CUBN: variants seen among roughly 807,000 people sequenced by gnomAD.
CUBN encodes 460 kDa receptor.
Under a neutral mutation model 405.3 loss-of-function variants are expected in CUBN, and 282 were observed. The observed-to-expected ratio is 0.70, with a 90% CI of 0.63 to 0.77. CUBN has a LOEUF of 0.77. Ranked by LOEUF, CUBN falls within the 30% of genes least tolerant of loss-of-function variation. The pLI, the probability that CUBN is intolerant of heterozygous loss-of-function variation, is 0.00. For synonymous variants in CUBN, 1,684 were observed against 1,617.0 expected, an observed-to-expected ratio of 1.04 and a Z score of -0.99; for missense variants, 4,514 against 4,475.2, an observed-to-expected ratio of 1.01 and a Z score of -0.25.
intron 25 of CUBN, 50 bp from the exon 26 acceptor site, chr10:17,044,033 G>A (rs989074905): frequency 2.0e-6 from 3 of 1,468,900 alleles, no homozygotes; most frequent in African/African-American, 2.8e-5. Flanking sequence ...TAAACATTAT[G>A]TAAAGGACTA....
chr10:16,935,879 CAAAAAAA>C (rs369098280), intron 39 of CUBN, among the ~76,000 whole-genome samples: 1 of 71,416 alleles, frequency 1.4e-5, no homozygotes, highest in Non-Finnish European at 2.6e-5. Context: ...GACTCCATCT[CAAAAAAA>C]AAAAAAAAAA....
At chr10:16,999,130 ACC>A (rs1244559443) in intron 28 of CUBN, among the ~76,000 whole-genome samples, 1 of 152,206 alleles carries the variant, frequency 6.6e-6, no homozygotes, top group Non-Finnish European at 1.5e-5. Context: ...AATGCTGTGG[ACC>A]GCTATATAAT....
chr10:16,972,760 C>G (rs570794397), intron 31 of CUBN, among the ~76,000 whole-genome samples: 1 of 152,030 alleles, frequency 6.6e-6, no homozygotes, highest in South Asian at 2.1e-4. Flanking sequence ...GGCTTCCCCC[C>G]ACCATCTCTA....
chr10:17,127,817 T>G lies in CUBN; in HGVS notation c.348+12A>C. The G allele has an allele frequency of 6.3e-7, 1 of 1,594,350 alleles. No homozygotes were observed. The highest frequency in any genetic ancestry group is 8.6e-7 in the Non-Finnish European group (1 of 1,162,156). On this transcript the variant is annotated intron_variant, in intron 3 of 66. Transcript: ENST00000377833. ...AACTCATCGGTTCTTATGACGTAGA[T>G]GTCAGACTTACCTTGGAATTAAGCT... is the stretch of plus-strand genomic sequence containing the variant.
chr10:16,894,600 A>G (rs1439661384), intron 54 of CUBN, among the ~76,000 whole-genome samples: 7 of 152,178 alleles, frequency 4.6e-5, no homozygotes, highest in African/African-American at 1.7e-4. Context: ...TGTAACTTAG[A>G]TAAGTAAGCC....
At chr10:16,996,611 G>A (rs532869173) in intron 28 of CUBN, among the ~76,000 whole-genome samples, 121 of 115,730 alleles carry the variant, frequency 1.0e-3, no homozygotes, top group African/African-American at 3.0e-3. Context: ...CTTTAAGTTC[G>A]TATCTGTGTG....
At chr10:16,872,179 G>A (rs1369083461) in intron 58 of CUBN, among the ~76,000 whole-genome samples, 1 of 152,108 alleles carries the variant, frequency 6.6e-6, no homozygotes, top group Non-Finnish European at 1.5e-5. Flanking sequence ...GGTGGAGGTT[G>A]CAGTGAGCTG....
At chr10:16,983,841 G>A (rs191794794) in intron 30 of CUBN, among the ~76,000 whole-genome samples, 1 of 152,356 alleles carries the variant, frequency 6.6e-6, no homozygotes, top group Admixed American at 6.5e-5. Context: ...AGCCCTTGGA[G>A]AGTGGGTCTG....
chr10:17,123,455 T>C (rs1564524426), intron 5 of CUBN, 133 bp downstream of exon 5: 1 of 754,076 alleles, frequency 1.3e-6, no homozygotes. Context: ...GCATACCTGG[T>C]ATATTTCAAT....
chr10:16,869,666 C>T lies in CUBN; in HGVS notation c.9424G>A (p.Gly3142Ser). The change falls in exon 59 of 67, where the codon GGC (glycine) becomes AGC (serine). Residue 3142 changes from glycine (G) to serine (S), a missense_variant. By Grantham distance (56) the Gly-to-Ser change is moderately conservative. Around this residue, in one of 5 missense-constraint regions of CUBN, gnomAD observed 1,186 missense variants for 1,186.9 expected, o/e 1.00. Transcript: ENST00000377833. ...FKTDSFQTAK[G>S]WKMSFRQTLG... ...GTCTGCCGGAAAGACATCTTCCAGC[C>T]TTTTGCTGTCTGAAATGAATCTGTC... 6.2e-7 allele frequency: 1 copy of T among 1,613,896 alleles called. No individual in the cohort carries two copies. The highest frequency in any genetic ancestry group is 1.1e-5 in the South Asian group (1 of 91,072).
At chr10:17,071,031 G>T (rs909293689) in intron 19 of CUBN, among the ~76,000 whole-genome samples, 1 of 152,166 alleles carries the variant, frequency 6.6e-6, no homozygotes, top group Non-Finnish European at 1.5e-5. Context: ...ATTAAGGAAG[G>T]TTCCTTCTAC....
intron 22 of CUBN, among the ~76,000 whole-genome samples, chr10:17,048,897 T>C (rs770142079): frequency 3.3e-5 from 5 of 152,238 alleles, no homozygotes; most frequent in African/African-American, 4.8e-5. Flanking sequence ...GAACATATTA[T>C]AGGTTCTACT....
At chr10:16,992,965 C>T (rs1336855911) in intron 28 of CUBN, among the ~76,000 whole-genome samples, 5 of 152,164 alleles carry the variant, frequency 3.3e-5, no homozygotes, top group African/African-American at 1.2e-4. Flanking sequence ...ACAGATTGTC[C>T]GTATCTCCTG....
chr10:17,044,095 T>C, intron 25 of CUBN, 112 bp from the exon 26 acceptor site: 1 of 269,058 alleles, frequency 3.7e-6, no homozygotes, highest in Non-Finnish European at 6.4e-6. Context: ...TATGTATATA[T>C]ATTATAAATA....
chr10:16,849,833 C>G (rs767748748), intron 60 of CUBN, among the ~76,000 whole-genome samples: 8 of 152,144 alleles, frequency 5.3e-5, no homozygotes, highest in Admixed American at 4.6e-4. Flanking sequence ...GGTTAGTCTT[C>G]CCTAGCTACT....
chr10:16,947,173 C>G, intron 36 of CUBN, 62 bp downstream of exon 36: 1 of 1,571,030 alleles, frequency 6.4e-7, no homozygotes, highest in East Asian at 2.2e-5. Flanking sequence ...CCTATTAGCA[C>G]CAGAACTTCT....
At chr10:16,851,898 C>A (rs1228923784) in intron 59 of CUBN, among the ~76,000 whole-genome samples, 11 of 131,918 alleles carry the variant, frequency 8.3e-5, no homozygotes, top group Middle Eastern at 4.2e-3. Context: ...CCATCTTTCC[C>A]TCCCTGACTC....
intron 31 of CUBN, among the ~76,000 whole-genome samples, chr10:16,969,533 T>C (rs900976208): frequency 2.6e-5 from 4 of 152,180 alleles, no homozygotes; most frequent in African/African-American, 9.7e-5. Flanking sequence ...TTTTGTATTT[T>C]TAGTAGAGAC....
Position 17,103,612 on chromosome 10 carries a change from A to G in CUBN, c.1418-375T>C, listed in dbSNP as rs571783562. Among the ~76,000 whole-genome samples the G allele has an allele frequency of 3.3e-5, 5 of 152,368 alleles. No homozygotes were observed. The East Asian group carries it at 9.6e-4, about 29-fold the overall frequency. On this transcript the variant is annotated intron_variant, in intron 12 of 66. Transcript: ENST00000377833. ...TCCTCAGCTGCAAGGTGAGCAGTTCATAAGTGGAGACAGTATTTTACACTT... is the reference window on the plus strand; with the variant it reads ...TCCTCAGCTGCAAGGTGAGCAGTTCGTAAGTGGAGACAGTATTTTACACTT...
Sources: allele counts gnomAD v4.1 joint callset (sites outside exome capture counted in the v4.1 genomes callset), GRCh38; gene constraint gnomAD v4.1.1; regional missense constraint gnomAD v4.1.1; transcripts MANE v1.5; gene names NCBI Gene and HGNC (gene_info 2026-07-23, HGNC 2026-07-21).